FER1L6: variants seen among roughly 807,000 people sequenced by gnomAD.
FER1L6 encodes fer-1 like family member 6.
Under a neutral mutation model 219.2 loss-of-function variants are expected in FER1L6, and 177 were observed. The observed-to-expected ratio is 0.81, with a 90% CI of 0.71 to 0.91. The LOEUF is 0.91. Among genes scored for constraint, FER1L6 ranks in the 40% least tolerant of loss-of-function variants. The pLI is 0.00. For missense variants in FER1L6, 2,153 were observed against 2,259.9 expected (o/e 0.95, Z 0.96); for synonymous variants, 768 against 824.3 (o/e 0.93, Z 1.17).
At chr8:123,869,457 T>C (rs578009040) in intron 1 of FER1L6, among the ~76,000 whole-genome samples, 1 of 152,288 alleles carries the variant, frequency 6.6e-6, no homozygotes, top group African/African-American at 2.4e-5. Context: ...TTCTACTTTT[T>C]TGCTGTCAAA....
intron 10 of FER1L6, 134 bp from the exon 11 acceptor site, chr8:123,980,328 CGTT>C (rs1315511464): frequency 5.9e-5 from 41 of 698,654 alleles, no homozygotes; most frequent in South Asian, 2.5e-4. Context: ...AGATGGCAAT[CGTT>C]GTCTTTTGGT....
At chr8:123,871,186 T>C (rs1191620470) in intron 1 of FER1L6, among the ~76,000 whole-genome samples, 2 of 152,190 alleles carry the variant, frequency 1.3e-5, no homozygotes, top group Non-Finnish European at 2.9e-5. Flanking sequence ...ACCATACAGA[T>C]GGTTACATAC....
At chr8:123,862,453 G>GTC in intron 1 of FER1L6, among the ~76,000 whole-genome samples, 1 of 139,040 alleles carries the variant, frequency 7.2e-6, no homozygotes, top group Non-Finnish European at 1.5e-5. Flanking sequence ...TTTTGGTTGT[G>GTC]TCTCTGCCTG....
intron 20 of FER1L6, among the ~76,000 whole-genome samples, chr8:124,042,979 G>C (rs148384230): frequency 1.3e-5 from 2 of 152,270 alleles, no homozygotes; most frequent in African/African-American, 4.8e-5. Context: ...GTGGCTAAGA[G>C]GGAGCATTAG....
Position 124,070,653 on chromosome 8 carries a change from T to C in FER1L6, c.3966+55T>C, listed in dbSNP as rs1821031519. On this transcript the variant is annotated intron_variant, in intron 30 of 40. Transcript: ENST00000522917. ...GCTCTCCCTGTCCATAAATGTCAGCTATGACTCGATTCTGTTAATGGAATT... is the reference window on the plus strand; with the variant it reads ...GCTCTCCCTGTCCATAAATGTCAGCCATGACTCGATTCTGTTAATGGAATT... The C allele has an allele frequency of 1.9e-5, 27 of 1,451,036 alleles. No individual in the cohort carries two copies. The East Asian group carries it at 6.2e-4, about 33-fold the overall frequency. The allele number at this position is 1,451,036 out of a possible 1,614,324, so 89.9% of individuals were successfully genotyped here. A position where few individuals can be genotyped will look rare whatever the true frequency, so the allele number is the denominator to read the frequency against.
chr8:123,918,262 T>C (rs1423401896), intron 1 of FER1L6, among the ~76,000 whole-genome samples: 1 of 151,552 alleles, frequency 6.6e-6, no homozygotes, highest in African/African-American at 2.4e-5. Context: ...GGAACTGAGA[T>C]TGTGCCACTG....
At chr8:124,039,830 CTG>C in intron 19 of FER1L6, 50 bp from the exon 20 acceptor site, 1 of 1,612,142 alleles carries the variant, frequency 6.2e-7, no homozygotes, top group Non-Finnish European at 8.5e-7. Context: ...TGTGCACACA[CTG>C]TTCTTGAAAA....
intron 19 of FER1L6, chr8:124,035,911 T>C (rs1389705281): frequency 2.0e-5 from 3 of 152,772 alleles, no homozygotes; most frequent in African/African-American, 7.2e-5. Context: ...GGTTCACTTA[T>C]ATTTCTCCAG....
chr8:124,119,302 A>C (rs925613909), intron 40 of FER1L6, among the ~76,000 whole-genome samples: 1 of 152,146 alleles, frequency 6.6e-6, no homozygotes, highest in African/African-American at 2.4e-5. Context: ...CTGTCAGGAA[A>C]GACTTCATAG....
intron 2 of FER1L6, among the ~76,000 whole-genome samples, chr8:123,957,924 G>C (rs575675035): frequency 6.6e-6 from 1 of 152,336 alleles, no homozygotes; most frequent in South Asian, 2.1e-4. Flanking sequence ...CAGAGACTTT[G>C]GTCTTGCCTT....
intron 1 of FER1L6, among the ~76,000 whole-genome samples, chr8:123,888,117 C>CTTTT (rs77546163): frequency 6.6e-6 from 1 of 150,518 alleles, no homozygotes; most frequent in Non-Finnish European, 1.5e-5. Context: ...CTGATATTCT[C>CTTTT]TTTTTTTTTC....
chr8:123,994,577 C>G (rs574039898), intron 12 of FER1L6, among the ~76,000 whole-genome samples: 2 of 152,270 alleles, frequency 1.3e-5, no homozygotes, highest in Non-Finnish European at 2.9e-5. Context: ...TTACAACTGC[C>G]CCAGGTCATA....
rs1816048295 is a variant in FER1L6 at position 123,975,918 on chromosome 8, G to A, written c.704G>A (p.Gly235Glu). 6.2e-7 allele frequency: 1 copy of A among 1,604,120 alleles called. No homozygotes were observed. Among genetic ancestry groups the A allele is most frequent in the African/African-American group, 1.3e-5 (1 of 74,690 alleles). The change falls in exon 9 of 41, where the codon GGG (glycine) becomes GAG (glutamate). Residue 235 changes from glycine (G) to glutamate (E), a missense_variant. Transcript: ENST00000522917. ...PIEKNLLIPN[G>E]FPLERPWARF... ...CTAAGGAACCTTTTGATCCCCAATGGGTTTCCACTGGAGAGACCGTGGGCC... is the reference window on the plus strand; with the variant it reads ...CTAAGGAACCTTTTGATCCCCAATGAGTTTCCACTGGAGAGACCGTGGGCC...
At chr8:124,065,322 G>T (rs1251734673) in intron 26 of FER1L6, among the ~76,000 whole-genome samples, 1 of 149,490 alleles carries the variant, frequency 6.7e-6, no homozygotes, top group Non-Finnish European at 1.5e-5. Flanking sequence ...AATCACTTGA[G>T]CCTGGGAGGC....
chr8:124,067,131 T>TG lies in FER1L6; in HGVS notation c.3678+583dup, dbSNP rs1820862412. On this transcript the variant is annotated intron_variant, in intron 27 of 40. Transcript: ENST00000522917. ...CCGGCAAAAGCTCGGCAACTGGATA[T>TG]GGTAAGATTTCCCTGAGTACAAAAG... Among the ~76,000 whole-genome samples, 3 of 152,176 alleles carry TG rather than the reference T, an allele frequency of 2.0e-5. No homozygotes were observed. In the South Asian group the frequency reaches 6.2e-4, roughly 32 times the overall value.
At chr8:124,101,014 G>T (rs1822526453) in intron 37 of FER1L6, 83 bp from the exon 38 acceptor site, 1 of 1,310,790 alleles carries the variant, frequency 7.6e-7, no homozygotes, top group Non-Finnish European at 1.1e-6. Flanking sequence ...TGACCACATT[G>T]AAATAAGCTA....
chr8:123,865,851 C>T (rs1459782112), intron 1 of FER1L6, among the ~76,000 whole-genome samples: 3 of 151,440 alleles, frequency 2.0e-5, no homozygotes, highest in Admixed American at 6.5e-5. Flanking sequence ...ACGCACGGTG[C>T]GCGCACCCAC....
rs773541624 is a variant in FER1L6, at chr8:124,039,980, T to A, written c.2563T>A (p.Phe855Ile). The A allele has an allele frequency of 1.1e-5, 18 of 1,613,962 alleles. No homozygotes were observed. The South Asian group carries it at 1.5e-4, about 14-fold the overall frequency. ...GLSDPFAKVT[F>I]LSHCQTTKII... ...TTCAGACCCTTTTGCCAAAGTCACGTTCCTTTCTCACTGCCAGACAACAAA... is the reference window on the plus strand; with the variant it reads ...TTCAGACCCTTTTGCCAAAGTCACGATCCTTTCTCACTGCCAGACAACAAA... The change falls in exon 20 of 41, where the codon TTC (phenylalanine) becomes ATC (isoleucine). Residue 855 changes from phenylalanine (F) to isoleucine (I), a missense_variant. Physicochemically the swap from Phe to Ile is conservative, Grantham distance 21. Coordinates refer to ENST00000522917, the MANE Select transcript of FER1L6 (RefSeq NM_001039112.2).
intron 24 of FER1L6, 132 bp downstream of exon 24, chr8:124,060,841 T>C (rs970296610): frequency 2.0e-6 from 2 of 1,022,746 alleles, no homozygotes; most frequent in African/African-American, 1.6e-5. Context: ...CAGAATGAGA[T>C]AAAATAGACT....
Sources: gnomAD v4.1 joint callset for allele counts (sites outside exome capture counted in the v4.1 genomes callset) on GRCh38, gnomAD v4.1.1 for gene constraint, MANE v1.5 for transcripts, NCBI Gene and HGNC (gene_info 2026-07-23, HGNC 2026-07-21) for gene names.